The following DYSF variants were observed in gnomAD, a reference collection of about 807,000 sequenced individuals.
The protein encoded by DYSF is dysferlin.
A neutral mutation model predicts 274.9 loss-of-function variants in DYSF; 212 were observed. The observed-to-expected ratio is 0.77, with a 90% CI of 0.69 to 0.86. The LOEUF (loss-of-function observed/expected upper bound fraction) is 0.86. Among genes scored for constraint, DYSF ranks in the 40% least tolerant of loss-of-function variants. The pLI is 0.00. For missense variants in DYSF, 2,666 were observed against 2,783.2 expected (o/e 0.96, Z 0.95); for synonymous variants, 1,091 against 1,078.7 (o/e 1.01, Z -0.22).
intron 45 of DYSF, among the ~76,000 whole-genome samples, chr2:71,662,730 T>G (rs55744860): frequency 6.6e-6 from 1 of 151,524 alleles, no homozygotes; most frequent in South Asian, 2.1e-4. Flanking sequence ...TGTGTATGTG[T>G]ATTTGTATAT....
chr2:71,524,888 T>C (rs575362825), intron 12 of DYSF, among the ~76,000 whole-genome samples: 1 of 152,372 alleles, frequency 6.6e-6, no homozygotes, highest in East Asian at 1.9e-4. Context: ...CAGCCTGTGT[T>C]ACACCTCAGC....
Position 71,517,566 on chromosome 2 carries a change from A to G in DYSF, c.1002+527A>G, listed in dbSNP as rs181667910. ...GGTAATCGGGGTGACCATCTATGTT[A>G]GCTAATTTGTTGTGTCCAGAAGACC... On this transcript the variant is annotated intron_variant, in intron 10 of 55. Transcript: ENST00000410020. Among the ~76,000 whole-genome samples, 212 of 152,280 alleles carry G rather than the reference A, an allele frequency of 1.4e-3. 2 individuals are homozygous for G. The highest frequency in any genetic ancestry group is 3.9e-4 in the East Asian group (2 of 5,168).
intron 55 of DYSF, among the ~76,000 whole-genome samples, chr2:71,683,579 A>G (rs2095321594): frequency 6.6e-6 from 1 of 152,232 alleles, no homozygotes; most frequent in African/African-American, 2.4e-5. Context: ...GGTGTAATCC[A>G]CCCCTTGAGG....
intron 1 of DYSF, among the ~76,000 whole-genome samples, chr2:71,475,247 G>A (rs953848345): frequency 2.6e-5 from 4 of 152,162 alleles, no homozygotes; most frequent in Non-Finnish European, 2.9e-5. Flanking sequence ...GTCTTGGGGC[G>A]TTCCCTGGAA....
intron 1 of DYSF, among the ~76,000 whole-genome samples, chr2:71,460,949 A>AG (rs1553498542): frequency 6.7e-6 from 1 of 149,606 alleles, no homozygotes; most frequent in East Asian, 2.0e-4. Flanking sequence ...AAAAAAAAAA[A>AG]AAAAAGAAAA....
chr2:71,543,755 G>C (rs981941936), intron 17 of DYSF, among the ~76,000 whole-genome samples: 2 of 152,144 alleles, frequency 1.3e-5, no homozygotes, highest in Admixed American at 6.5e-5. Context: ...GCAGGCACTC[G>C]GCAGGCTGAG....
chr2:71,507,007 G>A (rs1206843341), intron 4 of DYSF, among the ~76,000 whole-genome samples: 1 of 152,038 alleles, frequency 6.6e-6, no homozygotes, highest in East Asian at 1.9e-4. Flanking sequence ...AACACCGGAT[G>A]CTCAGGAAAC....
chr2:71,454,799 G>A (rs1402066246), intron 1 of DYSF, among the ~76,000 whole-genome samples: 1 of 152,118 alleles, frequency 6.6e-6, no homozygotes, highest in Non-Finnish European at 1.5e-5. Context: ...CCTATAGGAG[G>A]GCCTTCATAG....
At chr2:71,581,224 G>A (rs1158998195) in intron 30 of DYSF, among the ~76,000 whole-genome samples, 5 of 152,196 alleles carry the variant, frequency 3.3e-5, no homozygotes, top group East Asian at 1.9e-4. Flanking sequence ...ATACACGCTC[G>A]CGCCAGCCCA....
In DYSF at chr2:71,570,234, G is replaced by A. The variant is rs772573481; in HGVS notation, c.2985G>A (p.Gly995=). 1.9e-6 allele frequency: 3 copies of A among 1,614,088 alleles called. No homozygotes were observed. Among genetic ancestry groups the A allele is most frequent in the Non-Finnish European group, 2.5e-6 (3 of 1,179,954 alleles). ...CTGTTCGGTTTTGTCCTTAGAACGG[G>A]GAGAAGGTGCTTCCCAAGGATGACA... ...YMSDNYTDVN[G]EKVLPKDDIE... The change falls in exon 28 of 56, where the codon GGG becomes GGA. Residue 995 remains glycine (G), a synonymous_variant. Transcript: ENST00000410020.
At chr2:71,577,827 G>A (rs192131779) in intron 30 of DYSF, among the ~76,000 whole-genome samples, 4 of 152,174 alleles carry the variant, frequency 2.6e-5, no homozygotes, top group African/African-American at 4.8e-5. Context: ...GGTCCTCCCT[G>A]CCTCCTGGGG....
chr2:71,622,525 C>G (rs1422017956), intron 41 of DYSF, among the ~76,000 whole-genome samples: 2 of 152,220 alleles, frequency 1.3e-5, no homozygotes, highest in African/African-American at 4.8e-5. Flanking sequence ...GAGACTGCCT[C>G]TACCAGATTT....
chr2:71,477,632 A>T (rs1252323229), intron 1 of DYSF, among the ~76,000 whole-genome samples: 1 of 152,230 alleles, frequency 6.6e-6, no homozygotes, highest in Non-Finnish European at 1.5e-5. Context: ...AACTGACTGA[A>T]CAAAAATTTT....
chr2:71,584,688 G>A (rs1362973683), intron 30 of DYSF, among the ~76,000 whole-genome samples: 1 of 152,194 alleles, frequency 6.6e-6, no homozygotes, highest in East Asian at 1.9e-4. Flanking sequence ...ACTGGGTGCA[G>A]GGGATAAAGG....
intron 55 of DYSF, among the ~76,000 whole-genome samples, chr2:71,684,049 C>T (rs535353050): frequency 6.6e-6 from 1 of 152,318 alleles, no homozygotes; most frequent in African/African-American, 2.4e-5. Context: ...GGTCTGCCTA[C>T]AGGCCAGGCC....
intron 26 of DYSF, 125 bp from the exon 27 acceptor site, chr2:71,569,692 ACCC>A: frequency 3.9e-6 from 3 of 771,884 alleles, no homozygotes; most frequent in Non-Finnish European, 6.6e-6. Flanking sequence ...TTCCCTCCCC[ACCC>A]CCCATGTCTC....
intron 21 of DYSF, among the ~76,000 whole-genome samples, chr2:71,555,016 G>C (rs2091241245): frequency 6.6e-6 from 1 of 152,164 alleles, no homozygotes; most frequent in African/African-American, 2.4e-5. Flanking sequence ...CAGGTGGAGG[G>C]AAGGGGGACT....
intron 16 of DYSF, among the ~76,000 whole-genome samples, chr2:71,537,338 C>T (rs1186127124): frequency 6.0e-5 from 9 of 150,344 alleles, no homozygotes; most frequent in Non-Finnish European, 1.0e-4. Context: ...CTCTGCCTCC[C>T]AGGTTCAAGC....
Position 71,658,894 on chromosome 2 carries a change from A to G in DYSF, c.4772A>G (p.Tyr1591Cys), listed in dbSNP as rs2152940923. The change falls in exon 44 of 56, where the codon TAT becomes TGT. Residue 1591 changes from tyrosine (Y) to cysteine (C), a missense_variant. By Grantham distance (194) the Tyr-to-Cys change is radical (BLOSUM62 -2). Coordinates refer to ENST00000410020, the MANE Select transcript of DYSF (RefSeq NM_001130987.2). ...IGEFKGLFKI[Y>C]PLPEDPAIPM... ...TCTTTTCAGGGCCTCTTCAAAATTTATCCCCTCCCAGAAGACCCAGCCATC... is the reference window on the plus strand; with the variant it reads ...TCTTTTCAGGGCCTCTTCAAAATTTGTCCCCTCCCAGAAGACCCAGCCATC... 6.2e-7 allele frequency: 1 copy of G among 1,614,162 alleles called. No homozygotes were observed. The highest frequency in any genetic ancestry group is 8.5e-7 in the Non-Finnish European group (1 of 1,180,030).
Sources: gnomAD v4.1 joint callset for allele counts (sites outside exome capture counted in the v4.1 genomes callset) on GRCh38, gnomAD v4.1.1 for gene constraint, MANE v1.5 for transcripts, NCBI Gene and HGNC (gene_info 2026-07-23, HGNC 2026-07-21) for gene names.